GARNL3: variants seen among roughly 807,000 people sequenced by gnomAD.
GARNL3 encodes GTPase-activating Rap/Ran-GAP domain-like protein 3.
Under a neutral mutation model 125.0 loss-of-function variants are expected in GARNL3, and 63 were observed. The ratio of observed to expected loss-of-function variants is 0.50; its 90% CI spans 0.41 to 0.62. The LOEUF is 0.62. Among genes scored for constraint, GARNL3 ranks in the 20% least tolerant of loss-of-function variants. The pLI is 0.00. For synonymous variants in GARNL3, 439 were observed against 457.5 expected, an observed-to-expected ratio of 0.96 and a Z score of 0.52; for missense variants, 994 against 1,244.0, an observed-to-expected ratio of 0.80 and a Z score of 3.02.
At chr9:127,228,910 G>A (rs1021759835) in intron 1 of GARNL3, among the ~76,000 whole-genome samples, 2 of 151,940 alleles carry the variant, frequency 1.3e-5, no homozygotes, top group African/African-American at 4.8e-5. Context: ...TGCAACCTCC[G>A]CCTCCTGGGT....
intron 1 of GARNL3, among the ~76,000 whole-genome samples, chr9:127,235,637 T>G (rs2063096861): frequency 8.5e-6 from 1 of 117,058 alleles, no homozygotes. Flanking sequence ...TTCATATAGT[T>G]TTTTTGTTTT....
intron 1 of GARNL3, among the ~76,000 whole-genome samples, chr9:127,229,382 G>T (rs2062964808): frequency 6.6e-6 from 1 of 152,196 alleles, no homozygotes. Context: ...AGAAAGCTCT[G>T]CAGGTGCTTC....
intron 21 of GARNL3, chr9:127,363,166 C>G (rs962751688): frequency 6.6e-6 from 1 of 152,382 alleles, no homozygotes; most frequent in African/African-American, 2.4e-5. Context: ...GAGGGACACT[C>G]TGCAGAGAGC....
intron 12 of GARNL3, among the ~76,000 whole-genome samples, chr9:127,339,430 A>G (rs1289485215): frequency 1.3e-5 from 2 of 152,182 alleles, no homozygotes; most frequent in Non-Finnish European, 2.9e-5. Flanking sequence ...ACAAAAGCAG[A>G]AACCCCTGAT....
upstream of GARNL3, among the ~76,000 whole-genome samples, chr9:127,261,098 A>T (rs1019379630): frequency 1.3e-5 from 2 of 152,014 alleles, no homozygotes; most frequent in Non-Finnish European, 2.9e-5. Context: ...TCTACTAAAA[A>T]TACAAAAATT....
At chr9:127,345,309 T>C in intron 15 of GARNL3, 94 bp from the exon 16 acceptor site, 1 of 673,086 alleles carries the variant, frequency 1.5e-6, no homozygotes, top group Non-Finnish European at 2.5e-6. Context: ...CTGCAATTAC[T>C]CCTGTTTTAT....
Position 127,355,372 on chromosome 9 carries a change from T to C in GARNL3, c.1835T>C (p.Leu612Pro), listed in dbSNP as rs1462737741. Residue 612 changes from leucine to proline, a missense_variant, in exon 20 of 28, where the codon CTT becomes CCT. By Grantham distance (98) the Leu-to-Pro change is moderately conservative. Coordinates refer to ENST00000373387, the MANE Select transcript of GARNL3 (RefSeq NM_032293.5). ...RIVVAIRNKL[L>P]LITRKHNKPS... is the part of the protein sequence containing the mutation. ...GTGGTTGCAATTCGGAATAAACTGC[T>C]TCTGATCACAAGAAAACACAACAAG... 6.2e-7 allele frequency: 1 copy of C among 1,614,128 alleles called. No homozygotes were observed. The highest frequency in any genetic ancestry group is 1.3e-5 in the African/African-American group (1 of 74,956).
rs1247605035 is a variant in GARNL3, at chr9:127,368,538, T to C, written c.2161+3172T>C. 5.3e-4 allele frequency among the ~76,000 whole-genome samples: 78 copies of C among 147,628 alleles called. 2 individuals are homozygous for C. Among genetic ancestry groups the C allele is most frequent in the Admixed American group, 5.2e-3 (77 of 14,840 alleles). Reference sequence around the variant, plus strand: ...TAGAGACGGGGTTTCACCATGTTGGTCAGGCTGGTCTCGAACTCCTGACCT... The same window carrying C: ...TAGAGACGGGGTTTCACCATGTTGGCCAGGCTGGTCTCGAACTCCTGACCT... On this transcript the variant is annotated intron_variant, in intron 22 of 27. Transcript: ENST00000373387.
chr9:127,322,075 G>T (rs1273315936), intron 6 of GARNL3, among the ~76,000 whole-genome samples: 1 of 152,100 alleles, frequency 6.6e-6, no homozygotes, highest in East Asian at 1.9e-4. Flanking sequence ...GGCAAAAATG[G>T]GTATGTTAGT....
rs140006877 is a variant in GARNL3 at position 127,264,981 on chromosome 9, G to C, written c.104G>C (p.Arg35Pro). 136 of 1,613,170 alleles carry C rather than the reference G, an allele frequency of 8.4e-5. No individual in the cohort carries two copies. The African/African-American group carries it at 1.5e-3, about 17-fold the overall frequency. Residue 35 changes from arginine (R) to proline (P), a missense_variant, in exon 1 of 28, where the codon CGT becomes CCT. This residue lies in a region of GARNL3 where 139 missense variants were observed against 231.6 expected (regional missense o/e 0.60). Transcript: ENST00000373387. ...GTCTCGGAAGACCTAGGCTGTAGAC[G>C]TGGGGATTTCAGTAGGAAACATTAT... The part of the protein sequence containing the change: ...SSVSEDLGCR[R>P]GDFSRKHYGS...
At chr9:127,305,231 AT>A (rs1269672642) in intron 2 of GARNL3, among the ~76,000 whole-genome samples, 1 of 151,662 alleles carries the variant, frequency 6.6e-6, no homozygotes, top group Non-Finnish European at 1.5e-5. Context: ...GTAAAAAAAA[AT>A]TATTTGGCTG....
chr9:127,338,544 C>T (rs534089763), intron 12 of GARNL3, among the ~76,000 whole-genome samples: 22 of 152,246 alleles, frequency 1.4e-4, no homozygotes, highest in African/African-American at 4.6e-4. Context: ...GATTTGAGTT[C>T]GAATCCCAGT....
chr9:127,345,269 C>A (rs1243763171), intron 15 of GARNL3, 134 bp from the exon 16 acceptor site: 1 of 505,212 alleles, frequency 2.0e-6, no homozygotes, highest in African/African-American at 2.0e-5. Flanking sequence ...TCTTGATTAA[C>A]AAGTCAGTAG....
chr9:127,275,032 G>T (rs915297844), intron 1 of GARNL3, among the ~76,000 whole-genome samples: 1 of 152,152 alleles, frequency 6.6e-6, no homozygotes, highest in African/African-American at 2.4e-5. Flanking sequence ...GCAAGACCAG[G>T]CTCAGCAGTG....
At chr9:127,317,050 G>A (rs1277692925) in intron 4 of GARNL3, among the ~76,000 whole-genome samples, 6 of 152,292 alleles carry the variant, frequency 3.9e-5, no homozygotes, top group Admixed American at 6.5e-5. Context: ...TGCTAACTGT[G>A]TAGTGTGAAC....
rs1363214423 is a variant in GARNL3, at chr9:127,393,104, A to G, written c.2892A>G (p.Glu964=). The change falls in exon 28 of 28, where the codon GAA becomes GAG. Residue 964 remains glutamate (E), a synonymous_variant. Transcript: ENST00000373387. ...CTAGGATCCCATCAGGCTCCTTGGA[A>G]AGTGCTTCTACTTCCGAAGCCAACC... The part of the protein sequence containing the change: ...SSDRIPSGSL[E]SASTSEANPE... The G allele has an allele frequency of 6.2e-7, 1 of 1,604,016 alleles. No homozygotes were observed. The highest frequency in any genetic ancestry group is 8.5e-7 in the Non-Finnish European group (1 of 1,171,560).
chr9:127,352,875 G>A (rs1830486672), intron 17 of GARNL3, among the ~76,000 whole-genome samples: 1 of 152,144 alleles, frequency 6.6e-6, no homozygotes, highest in Non-Finnish European at 1.5e-5. Context: ...CAACCCCACA[G>A]CAGAGCATTT....
At chr9:127,254,235 A>G (rs1184863750) in intron 2 of GARNL3, among the ~76,000 whole-genome samples, 1 of 152,238 alleles carries the variant, frequency 6.6e-6, no homozygotes, top group Non-Finnish European at 1.5e-5. Flanking sequence ...GATGAAAAAA[A>G]TTATAAAGCA....
At chr9:127,258,863 T>C (rs1010648282), upstream of GARNL3, among the ~76,000 whole-genome samples, 3 of 152,198 alleles carry the variant, frequency 2.0e-5, no homozygotes, top group Non-Finnish European at 2.9e-5. Context: ...TGTTTCTTAC[T>C]GTCTGCCTAT....
Sources: gnomAD v4.1 joint callset for allele counts (sites outside exome capture counted in the v4.1 genomes callset) on GRCh38, gnomAD v4.1.1 for gene constraint, gnomAD v4.1.1 regional missense constraint, MANE v1.5 for transcripts, NCBI Gene and HGNC (gene_info 2026-07-23, HGNC 2026-07-21) for gene names.